BCKDHB: variants seen among roughly 807,000 people sequenced by gnomAD.
The protein encoded by BCKDHB is branched chain keto acid dehydrogenase E1 subunit beta.
A neutral mutation model predicts 48.5 loss-of-function variants in BCKDHB; 41 were observed. The observed-to-expected ratio is 0.85, with a 90% CI of 0.66 to 1.10. The LOEUF is 1.10. Among genes scored for constraint, BCKDHB ranks in the 50% least tolerant of loss-of-function variants. BCKDHB has a pLI of 0.00. For missense variants in BCKDHB, 496 were observed against 494.2 expected, an observed-to-expected ratio of 1.00 and a Z score of -0.03; for synonymous variants, 201 against 174.8, an observed-to-expected ratio of 1.15 and a Z score of -1.18.
chr6:80,123,901 G>T (rs191254262), intron 1 of BCKDHB, among the ~76,000 whole-genome samples: 40 of 152,118 alleles, frequency 2.6e-4, no homozygotes, highest in Non-Finnish European at 4.4e-4. Context: ...TTTCAGTTCT[G>T]CTCTGATCTT....
At chr6:80,227,238 G>A (rs1775717903) in intron 8 of BCKDHB, among the ~76,000 whole-genome samples, 1 of 152,120 alleles carries the variant, frequency 6.6e-6, no homozygotes, top group African/African-American at 2.4e-5. Flanking sequence ...TCTTTTGGAG[G>A]AAAGCAATGT....
At chr6:80,429,158 G>A in the BCKDHB span, among the ~76,000 whole-genome samples, 2 of 152,112 alleles carry the variant, frequency 1.3e-5, no homozygotes, top group Non-Finnish European at 2.9e-5. Context: ...TTTGTGTCAG[G>A]TTTGTCAAAG....
chr6:80,304,920 C>T (rs183048024), intron 9 of BCKDHB, among the ~76,000 whole-genome samples: 1 of 152,158 alleles, frequency 6.6e-6, no homozygotes. Flanking sequence ...AGGTTATCTA[C>T]CAAAAACCTG....
intron 9 of BCKDHB, among the ~76,000 whole-genome samples, chr6:80,283,007 A>T (rs1289832430): frequency 6.6e-6 from 1 of 152,062 alleles, no homozygotes; most frequent in Non-Finnish European, 1.5e-5. Flanking sequence ...ATTCATAGTG[A>T]TGGTGGTTAC....
the BCKDHB span, among the ~76,000 whole-genome samples, chr6:80,393,508 T>G: frequency 1.3e-5 from 2 of 151,048 alleles, no homozygotes; most frequent in African/African-American, 2.4e-5. Context: ...CAGAGAGAGA[T>G]GTTTCACCAG....
intron 3 of BCKDHB, among the ~76,000 whole-genome samples, chr6:80,141,620 C>A (rs1189147919): frequency 6.6e-6 from 1 of 151,970 alleles, no homozygotes; most frequent in Non-Finnish European, 1.5e-5. Flanking sequence ...CAAATGTGAG[C>A]ACCAATAGGG....
At chr6:80,206,755 A>G (rs1207352992) in intron 8 of BCKDHB, among the ~76,000 whole-genome samples, 2 of 152,040 alleles carry the variant, frequency 1.3e-5, no homozygotes, top group Non-Finnish European at 2.9e-5. Context: ...GATAAAACAC[A>G]TTTGGGATCT....
intron 6 of BCKDHB, among the ~76,000 whole-genome samples, chr6:80,183,011 G>A (rs1773483351): frequency 1.3e-5 from 2 of 151,920 alleles, no homozygotes; most frequent in Admixed American, 6.6e-5. Context: ...ATGGAACAAC[G>A]AATTGTTTCT....
intron 8 of BCKDHB, among the ~76,000 whole-genome samples, chr6:80,231,808 T>C (rs1379737108): frequency 6.6e-6 from 1 of 152,050 alleles, no homozygotes; most frequent in African/African-American, 2.4e-5. Flanking sequence ...CTACTAAAGA[T>C]ACAAAAATTA....
chr6:80,197,681 T>A (rs770658996), intron 6 of BCKDHB, among the ~76,000 whole-genome samples: 26 of 152,134 alleles, frequency 1.7e-4, no homozygotes, highest in Admixed American at 8.5e-4. Flanking sequence ...CACTTACAAG[T>A]AAGATGGAAT....
the BCKDHB span, among the ~76,000 whole-genome samples, chr6:80,413,892 G>A: frequency 6.6e-6 from 1 of 152,138 alleles, no homozygotes; most frequent in African/African-American, 2.4e-5. Context: ...TTCCACAATG[G>A]TTGAACTAAT....
intron 8 of BCKDHB, among the ~76,000 whole-genome samples, chr6:80,266,363 A>C (rs1037822955): frequency 5.3e-5 from 8 of 152,130 alleles, no homozygotes; most frequent in Non-Finnish European, 8.8e-5. Context: ...TGCTACCTAC[A>C]GGTGGTTATG....
intron 8 of BCKDHB, among the ~76,000 whole-genome samples, chr6:80,215,492 A>G (rs1040959366): frequency 2.6e-5 from 4 of 152,194 alleles, no homozygotes; most frequent in African/African-American, 9.7e-5. Context: ...GTTCATTGCT[A>G]TATCTGCAAG....
At chr6:80,199,525 C>T (rs1252165587) in intron 6 of BCKDHB, among the ~76,000 whole-genome samples, 1 of 152,036 alleles carries the variant, frequency 6.6e-6, no homozygotes, top group African/African-American at 2.4e-5. Context: ...CGCCTGTAAT[C>T]CCAGCACTTT....
chr6:80,130,946 G>C (rs1770597528), intron 3 of BCKDHB, among the ~76,000 whole-genome samples: 2 of 152,114 alleles, frequency 1.3e-5, no homozygotes, highest in African/African-American at 4.8e-5. Flanking sequence ...CATGCCATGT[G>C]CTTTCTGAAT....
intron 1 of BCKDHB, among the ~76,000 whole-genome samples, chr6:80,115,026 C>T (rs764677750): frequency 1.1e-4 from 16 of 152,348 alleles, no homozygotes; most frequent in Middle Eastern, 3.4e-3. Context: ...CTTTTGTTGT[C>T]TTTAGTTGAC....
At chr6:80,334,051 T>C (rs1769447904) in intron 9 of BCKDHB, among the ~76,000 whole-genome samples, 1 of 152,128 alleles carries the variant, frequency 6.6e-6, no homozygotes, top group Non-Finnish European at 1.5e-5. Context: ...TGTGTATTTT[T>C]CCCCTAATTC....
chr6:80,260,924 A>G (rs953188844), intron 8 of BCKDHB, among the ~76,000 whole-genome samples: 7 of 152,194 alleles, frequency 4.6e-5, no homozygotes, highest in Admixed American at 1.3e-4. Context: ...ATAGGTTGCA[A>G]ACTCTTGGAC....
chr6:80,329,373 T>C (rs186933824), intron 9 of BCKDHB, among the ~76,000 whole-genome samples: 1 of 152,308 alleles, frequency 6.6e-6, no homozygotes, highest in East Asian at 1.9e-4. Context: ...AGCAAAAATA[T>C]TACTCACATC....
Sources: gnomAD v4.1 joint callset for allele counts (sites outside exome capture counted in the v4.1 genomes callset) on GRCh38, gnomAD v4.1.1 for gene constraint, MANE v1.5 for transcripts, NCBI Gene and HGNC (gene_info 2026-07-23, HGNC 2026-07-21) for gene names.